The following VTI1A variants were observed in gnomAD, a reference collection of about 807,000 sequenced individuals.
VTI1A encodes vesicle transport through interaction with t-SNAREs 1A.
In VTI1A, 22 loss-of-function variants were observed where a neutral mutation model predicts 34.9. The observed-to-expected ratio is 0.63, with a 90% CI of 0.45 to 0.90. The LOEUF (loss-of-function observed/expected upper bound fraction) is 0.90, where lower values mean the gene tolerates loss of function less well. Ranked by LOEUF, VTI1A falls within the 40% of genes least tolerant of loss-of-function variation. The probability of loss-of-function intolerance (pLI) is 0.00; values close to 1 mark genes in which losing one functional copy is unlikely to be tolerated. For synonymous variants in VTI1A, 87 were observed against 97.3 expected (o/e 0.89, Z 0.62); for missense variants, 268 against 275.6 (o/e 0.97, Z 0.20).
At chr10:112,481,049 C>T (rs918648105) in intron 3 of VTI1A, among the ~76,000 whole-genome samples, 2 of 152,174 alleles carry the variant, frequency 1.3e-5, no homozygotes, top group Non-Finnish European at 2.9e-5. Flanking sequence ...TGAAAGGTTA[C>T]TTGTGCTGGG....
At chr10:112,614,462 G>C (rs1308051634) in intron 5 of VTI1A, among the ~76,000 whole-genome samples, 1 of 152,188 alleles carries the variant, frequency 6.6e-6, no homozygotes, top group Non-Finnish European at 1.5e-5. Context: ...GAAAGAGACC[G>C]CCCATGGCTT....
intron 5 of VTI1A, among the ~76,000 whole-genome samples, chr10:112,635,227 A>T (rs964616284): frequency 6.6e-6 from 1 of 152,194 alleles, no homozygotes; most frequent in Non-Finnish European, 1.5e-5. Context: ...CAGGCATGTA[A>T]ATCTTGTGGA....
intron 7 of VTI1A, among the ~76,000 whole-genome samples, chr10:112,751,988 C>G (rs986214950): frequency 1.3e-5 from 2 of 152,128 alleles, no homozygotes; most frequent in Admixed American, 6.5e-5. Context: ...GTATAGGTAT[C>G]AGGGAAGTGA....
intron 7 of VTI1A, among the ~76,000 whole-genome samples, chr10:112,785,326 T>G (rs1590182511): frequency 1.3e-5 from 2 of 152,184 alleles, no homozygotes; most frequent in East Asian, 3.9e-4. Flanking sequence ...GAGAAGCCCC[T>G]CCCCAACAAA....
intron 1 of VTI1A, among the ~76,000 whole-genome samples, chr10:112,459,737 G>A (rs1790536624): frequency 6.6e-6 from 1 of 152,106 alleles, no homozygotes; most frequent in Non-Finnish European, 1.5e-5. Flanking sequence ...TGAGGGTATG[G>A]GAAAGCTTTC....
At chr10:112,838,133 G>A in the VTI1A span, among the ~76,000 whole-genome samples, 1 of 152,208 alleles carries the variant, frequency 6.6e-6, no homozygotes, top group African/African-American at 2.4e-5. Context: ...CTCTGCCCAC[G>A]TGGCCTGGGA....
chr10:112,783,858 G>C (rs1852207247), intron 7 of VTI1A, among the ~76,000 whole-genome samples: 1 of 152,192 alleles, frequency 6.6e-6, no homozygotes, highest in Non-Finnish European at 1.5e-5. Flanking sequence ...AGTCCGGGGA[G>C]TCTAGGCACT....
In VTI1A at chr10:112,447,271, G is replaced by A. The variant is rs1846870936; in HGVS notation, c.-103G>A. On this transcript the variant is annotated 5_prime_UTR_variant, in exon 1 of 8. Transcript: ENST00000393077. ...GTCCCCGGTTCTCCGTTCTGCTCTC[G>A]GGGGCACCTTCCGGGGTTCCTAAGC... 3.9e-6 allele frequency: 5 copies of A among 1,280,408 alleles called. No homozygotes were observed. Among genetic ancestry groups the A allele is most frequent in the Non-Finnish European group, 5.4e-6 (5 of 919,382 alleles). 79.3% of individuals were successfully genotyped at this position (1,280,408 alleles called of 1,614,324 possible).
intron 5 of VTI1A, among the ~76,000 whole-genome samples, chr10:112,645,388 G>C (rs1846734340): frequency 6.6e-6 from 1 of 152,206 alleles, no homozygotes; most frequent in Admixed American, 6.5e-5. Flanking sequence ...TCACTAAAAT[G>C]ATGAGTTAGA....
intron 3 of VTI1A, among the ~76,000 whole-genome samples, chr10:112,506,693 T>C (rs11594213): frequency 0.032 from 4,902 of 152,296 alleles, 111 homozygotes; most frequent in Non-Finnish European, 0.05. Flanking sequence ...TTTACTCTTA[T>C]TGGAGTTCTT....
chr10:112,680,970 A>C (rs150547140), intron 7 of VTI1A, among the ~76,000 whole-genome samples: 33 of 152,210 alleles, frequency 2.2e-4, no homozygotes, highest in Admixed American at 2.0e-3. Flanking sequence ...TTGAGGATAC[A>C]TAGGAAATTA....
intron 5 of VTI1A, among the ~76,000 whole-genome samples, chr10:112,585,859 C>G (rs1454606505): frequency 1.3e-5 from 2 of 151,984 alleles, no homozygotes; most frequent in Non-Finnish European, 2.9e-5. Context: ...TCAACATTAT[C>G]TAGCCTTAAA....
intron 5 of VTI1A, among the ~76,000 whole-genome samples, chr10:112,554,490 T>A (rs529175953): frequency 1.6e-4 from 25 of 152,254 alleles, no homozygotes; most frequent in African/African-American, 5.8e-4. Context: ...GGATGTAGAG[T>A]AAATGGAAAC....
chr10:112,716,025 C>T (rs1055178131), intron 7 of VTI1A, among the ~76,000 whole-genome samples: 1 of 152,114 alleles, frequency 6.6e-6, no homozygotes, highest in Admixed American at 6.5e-5. Flanking sequence ...AGCCCAGGGA[C>T]CTGCCAGCTG....
chr10:112,638,834 T>G (rs1846461104), intron 5 of VTI1A, among the ~76,000 whole-genome samples: 1 of 151,244 alleles, frequency 6.6e-6, no homozygotes, highest in African/African-American at 2.4e-5. Flanking sequence ...TTTTTTTTTT[T>G]CATTTCTGTT....
intron 5 of VTI1A, among the ~76,000 whole-genome samples, chr10:112,567,278 C>T (rs1851940117): frequency 6.6e-6 from 1 of 152,192 alleles, no homozygotes; most frequent in African/African-American, 2.4e-5. Flanking sequence ...ATCCACCTGC[C>T]TAAGCCTCCC....
intron 7 of VTI1A, among the ~76,000 whole-genome samples, chr10:112,795,679 C>T (rs1017005627): frequency 6.6e-6 from 1 of 151,996 alleles, no homozygotes; most frequent in Non-Finnish European, 1.5e-5. Context: ...TCAGGTGATC[C>T]GCCCACCTCG....
intron 7 of VTI1A, among the ~76,000 whole-genome samples, chr10:112,805,608 G>C (rs919366117): frequency 6.6e-6 from 1 of 152,212 alleles, no homozygotes; most frequent in Admixed American, 6.5e-5. Context: ...GTTAAGATGA[G>C]GTACGGGAAT....
At chr10:112,782,881 G>A (rs906172544) in intron 7 of VTI1A, among the ~76,000 whole-genome samples, 6 of 152,118 alleles carry the variant, frequency 3.9e-5, no homozygotes, top group African/African-American at 9.7e-5. Flanking sequence ...TTCTAATTTC[G>A]ATTTTGTGAT....
Sources: allele counts gnomAD v4.1 joint callset (sites outside exome capture counted in the v4.1 genomes callset), GRCh38; gene constraint gnomAD v4.1.1; transcripts MANE v1.5; gene names NCBI Gene and HGNC (gene_info 2026-07-23, HGNC 2026-07-21).